The following OVCH1 variants were observed in gnomAD, a reference collection of about 807,000 sequenced individuals.
OVCH1 encodes the protein ovochymase-1.
In OVCH1, 139 loss-of-function variants were observed where a neutral mutation model predicts 138.4. The ratio of observed to expected loss-of-function variants is 1.00; its 90% CI spans 0.87 to 1.16. OVCH1 has a LOEUF of 1.16. Ranked by LOEUF, OVCH1 falls within the 50% of genes most tolerant of loss-of-function variation. The pLI is 0.00. For synonymous variants in OVCH1, 453 were observed against 467.8 expected, an observed-to-expected ratio of 0.97 and a Z score of 0.41; for missense variants, 1,367 against 1,357.9, an observed-to-expected ratio of 1.01 and a Z score of -0.11.
At chr12:29,484,550 T>C (rs543198503) in intron 8 of OVCH1, among the ~76,000 whole-genome samples, 163 bp downstream of exon 9, 1 of 152,242 alleles carries the variant, frequency 6.6e-6, no homozygotes, top group East Asian at 1.9e-4. Flanking sequence ...TACTACTTAG[T>C]ACGCTGGGGT....
At chr12:29,403,119 A>G in the OVCH1 span, among the ~76,000 whole-genome samples, 4 of 152,176 alleles carry the variant, frequency 2.6e-5, no homozygotes, top group South Asian at 8.3e-4. Context: ...TGAAGAGCAA[A>G]ATTTTCATAA....
exon 27 of OVCH1, chr12:29,433,776 T>C: frequency 7.0e-7 from 1 of 1,426,422 alleles, no homozygotes; most frequent in South Asian, 1.3e-5. Context: ...TGCAAATTTC[T>C]TCTGTTTTCT....
rs552714088 is a variant in OVCH1, at chr12:29,452,275, C to T, written c.2531-706G>A. Among the ~76,000 whole-genome samples, 3 of 152,124 alleles carry T rather than the reference C, an allele frequency of 2.0e-5. No homozygotes were observed. In the East Asian group the frequency reaches 5.8e-4, roughly 29 times the overall value. ...AATACATAATTATGCATGCTCTGCC[C>T]TAGAGAAATTAATACTGTACCTGAG... is the stretch of plus-strand genomic sequence containing the variant. On this transcript the variant is annotated intron_variant, in intron 21 of 27. Coordinates refer to ENST00000318184, the Ensembl canonical transcript of OVCH1.
chr12:29,456,617 C>G (rs1941958501), intron 19 of OVCH1, among the ~76,000 whole-genome samples: 1 of 152,202 alleles, frequency 6.6e-6, no homozygotes, highest in Admixed American at 6.5e-5. Context: ...TATTAATTAG[C>G]ACTAACATCT....
chr12:29,487,692 C>A lies in OVCH1; in HGVS notation c.892+1G>T, dbSNP rs1000965591. 10 of 1,586,410 alleles carry A rather than the reference C, an allele frequency of 6.3e-6. No individual in the cohort carries two copies. The highest frequency in any genetic ancestry group is 7.7e-6 in the Non-Finnish European group (9 of 1,164,224). On this transcript the variant is annotated splice_donor_variant, in intron 7 of 27. Transcript: ENST00000318184. LOFTEE classifies it high-confidence loss of function. ...AGATGAGGAAGAAAGAATTCACCTA[C>A]CTGTGAACAGGTTTTGAGTGATAAA...
At chr12:29,485,541 G>A (rs1265474791) in intron 8 of OVCH1, among the ~76,000 whole-genome samples, 1 of 151,934 alleles carries the variant, frequency 6.6e-6, no homozygotes, top group East Asian at 1.9e-4. Context: ...TTGGGAGGCC[G>A]AGGCGGGCGG....
chr12:29,460,185 A>C (rs1430707185), intron 19 of OVCH1, among the ~76,000 whole-genome samples: 1 of 152,206 alleles, frequency 6.6e-6, no homozygotes, highest in Admixed American at 6.5e-5. Context: ...CATGATATTT[A>C]GGTCACCTGT....
intron 6 of OVCH1, among the ~76,000 whole-genome samples, chr12:29,488,246 A>G (rs1016433471): frequency 6.6e-6 from 1 of 152,050 alleles, no homozygotes; most frequent in African/African-American, 2.4e-5. Context: ...TTGCTAGGAA[A>G]GACTAGGTCA....
rs1402183565 is a variant in OVCH1, at chr12:29,496,685, G to A, written c.65-11C>T. The A allele has an allele frequency of 6.3e-7, 1 of 1,577,586 alleles. No individual in the cohort carries two copies. Among genetic ancestry groups the A allele is most frequent in the Non-Finnish European group, 8.7e-7 (1 of 1,151,554 alleles). ...TTCCACACTTCAGTCCTGTGTAGAA[G>A]AGCATGTGTGTGTGCACACACAGAG... On this transcript the variant is annotated splice_polypyrimidine_tract_variant and intron_variant, in intron 1 of 27. Transcript: ENST00000318184.
At chr12:29,477,362 C>A in exon 11 of OVCH1, 2 of 1,613,968 alleles carry the variant, frequency 1.2e-6, no homozygotes, top group Non-Finnish European at 1.7e-6. Flanking sequence ...TTCTGTACAG[C>A]AGTAACGGTA....
chr12:29,494,445 GTC>G (rs1230252278), intron 4 of OVCH1, among the ~76,000 whole-genome samples: 1 of 152,094 alleles, frequency 6.6e-6, no homozygotes, highest in Non-Finnish European at 1.5e-5. Context: ...ACAGAAAGAA[GTC>G]TCTGAAAATA....
exon 18 of OVCH1, chr12:29,464,689 T>C (rs1476641620): frequency 2.5e-6 from 4 of 1,612,508 alleles, no homozygotes; most frequent in Non-Finnish European, 3.4e-6. Context: ...TATTATGTGT[T>C]TGGCCCTTCT....
chr12:29,476,112 C>T (rs759285509), intron 13 of OVCH1, 94 bp downstream of exon 13: 3 of 967,374 alleles, frequency 3.1e-6, no homozygotes, highest in East Asian at 4.8e-5. Flanking sequence ...TTCACATTCC[C>T]ACTCTACGTT....
At chr12:29,402,703 A>G in the OVCH1 span, among the ~76,000 whole-genome samples, 4 of 152,010 alleles carry the variant, frequency 2.6e-5, no homozygotes, top group African/African-American at 9.7e-5. Context: ...AGGGATTGAG[A>G]AAGAAAAAGT....
chr12:29,487,842 C>T (rs1275669492), exon 7 of OVCH1: 1 of 1,612,078 alleles, frequency 6.2e-7, no homozygotes, highest in East Asian at 2.2e-5. Context: ...AATCCAGATT[C>T]CACCACCTCT....
chr12:29,476,416 G>A (rs967092700), intron 12 of OVCH1, 117 bp from the exon 13 acceptor site: 7 of 820,268 alleles, frequency 8.5e-6, no homozygotes, highest in Non-Finnish European at 1.4e-5. Context: ...CCTTCACATA[G>A]AAGTGTAAAT....
chr12:29,405,569 G>A, the OVCH1 span, among the ~76,000 whole-genome samples: 1 of 152,158 alleles, frequency 6.6e-6, no homozygotes, highest in Non-Finnish European at 1.5e-5. Flanking sequence ...TTTTCTCTCT[G>A]ACGCTGTAAT....
At chr12:29,481,551 A>G (rs1395065709) in intron 8 of OVCH1, among the ~76,000 whole-genome samples, 1 of 152,196 alleles carries the variant, frequency 6.6e-6, no homozygotes, top group African/African-American at 2.4e-5. Context: ...AATTCCTTCA[A>G]CTTTCCTACA....
intron 25 of OVCH1, among the ~76,000 whole-genome samples, chr12:29,442,155 A>G (rs994272730): frequency 2.0e-5 from 3 of 152,024 alleles, no homozygotes; most frequent in Admixed American, 6.6e-5. Context: ...TCATGCTGCT[A>G]CAAAGACACA....
Sources: allele counts gnomAD v4.1 joint callset (sites outside exome capture counted in the v4.1 genomes callset), GRCh38; gene constraint gnomAD v4.1.1; transcripts MANE v1.5; gene names NCBI Gene and HGNC (gene_info 2026-07-23, HGNC 2026-07-21).